LDLRAD4: variants seen among roughly 807,000 people sequenced by gnomAD.
LDLRAD4 encodes the protein low-density lipoprotein receptor class A domain-containing protein 4.
In LDLRAD4, 5 loss-of-function variants were observed where a neutral mutation model predicts 17.0. The observed-to-expected ratio is 0.29, with a 90% CI of 0.15 to 0.62. LDLRAD4 has a LOEUF of 0.62. LDLRAD4 is among the 20% of genes least tolerant of loss of function. The probability of loss-of-function intolerance (pLI) is 0.84; values close to 1 mark genes in which losing one functional copy is unlikely to be tolerated. For synonymous variants in LDLRAD4, 168 were observed against 171.8 expected (o/e 0.98, Z 0.17); for missense variants, 340 against 424.7 (o/e 0.80, Z 1.75).
At chr18:13,350,477 A>T (rs1409960838) in intron 1 of LDLRAD4, among the ~76,000 whole-genome samples, 1 of 151,794 alleles carries the variant, frequency 6.6e-6, no homozygotes, top group African/African-American at 2.4e-5. Flanking sequence ...TGATGGGGGT[A>T]TTTGTGTTTT....
rs927210398 is a variant in LDLRAD4 at position 13,403,733 on chromosome 18, G to C, written c.40+15971G>C. On this transcript the variant is annotated intron_variant, in intron 2 of 5. Coordinates refer to ENST00000359446, the Ensembl canonical transcript of LDLRAD4. The stretch of plus-strand genomic sequence containing the variant: ...CCTTGTAAAATCCTCGTGGGACTGC[G>C]TGTCTTTATAGGAGCCAGGGTGTAA... 3.9e-5 allele frequency among the ~76,000 whole-genome samples: 6 copies of C among 152,224 alleles called. No homozygotes were observed. In the South Asian group the frequency reaches 6.2e-4, roughly 16 times the overall value.
intron 1 of LDLRAD4, among the ~76,000 whole-genome samples, chr18:13,267,749 A>G (rs1298798429): frequency 1.3e-5 from 2 of 152,232 alleles, no homozygotes; most frequent in African/African-American, 4.8e-5. Context: ...AATCACGCAC[A>G]TGTAAGGATT....
intron 1 of LDLRAD4, among the ~76,000 whole-genome samples, chr18:13,318,267 CT>C (rs534002200): frequency 0.012 from 1,695 of 145,772 alleles, 15 homozygotes; most frequent in African/African-American, 0.027. Context: ...ATAGTGAAAT[CT>C]TTTTTTTTTT....
At chr18:13,544,132 G>A (rs1046153298) in intron 3 of LDLRAD4, among the ~76,000 whole-genome samples, 13 of 152,378 alleles carry the variant, frequency 8.5e-5, no homozygotes, top group Admixed American at 3.9e-4. Flanking sequence ...ATGAAGCCAC[G>A]CTGCTTTTCA....
At chr18:13,442,667 G>C (rs2091106839) in intron 3 of LDLRAD4, among the ~76,000 whole-genome samples, 3 of 152,228 alleles carry the variant, frequency 2.0e-5, no homozygotes, top group Admixed American at 1.3e-4. Context: ...CCACCTCATT[G>C]TTCCTGCCCA....
chr18:13,612,843 T>G lies in LDLRAD4; in HGVS notation c.182-8274T>G. On this transcript the variant is annotated intron_variant, in intron 3 of 5. Transcript: ENST00000359446. ...GGTTTGCTGTGGTTCTTCTTGGAGT[T>G]TGGTCTGAGGACAGAGCTGAGAAGA... The G allele has an allele frequency of 3.1e-6, 5 of 1,594,728 alleles. No homozygotes were observed. The South Asian group carries it at 5.6e-5, about 18-fold the overall frequency.
At chr18:13,303,925 C>T (rs2146613909) in intron 1 of LDLRAD4, among the ~76,000 whole-genome samples, 1 of 152,312 alleles carries the variant, frequency 6.6e-6, no homozygotes, top group Non-Finnish European at 1.5e-5. Flanking sequence ...GTACAAAGGC[C>T]CACGAGTCAT....
intron 2 of LDLRAD4, among the ~76,000 whole-genome samples, chr18:13,410,816 A>G (rs554715032): frequency 6.6e-6 from 1 of 152,322 alleles, no homozygotes; most frequent in African/African-American, 2.4e-5. Flanking sequence ...ATTTCAGTGG[A>G]TGGCTTTTTG....
At chr18:13,591,058 A>C (rs957261428) in intron 3 of LDLRAD4, among the ~76,000 whole-genome samples, 5 of 152,120 alleles carry the variant, frequency 3.3e-5, no homozygotes, top group African/African-American at 1.2e-4. Flanking sequence ...TTGATCAGGG[A>C]GTTTTGAGGC....
chr18:13,547,603 T>G (rs1349395635), intron 3 of LDLRAD4, among the ~76,000 whole-genome samples: 1 of 151,908 alleles, frequency 6.6e-6, no homozygotes, highest in East Asian at 1.9e-4. Context: ...GAGCGTGGAG[T>G]GTGGCCACTG....
intron 2 of LDLRAD4, among the ~76,000 whole-genome samples, chr18:13,436,895 A>G (rs1217450530): frequency 6.6e-6 from 1 of 152,084 alleles, no homozygotes; most frequent in Non-Finnish European, 1.5e-5. Flanking sequence ...CTTTTTCTAT[A>G]CTCTTTTAGG....
intron 3 of LDLRAD4, among the ~76,000 whole-genome samples, chr18:13,453,126 C>A (rs760021155): frequency 6.6e-6 from 1 of 152,172 alleles, no homozygotes; most frequent in Non-Finnish European, 1.5e-5. Context: ...GGACAGTCAT[C>A]GTTTTAAAAG....
At chr18:13,565,599 T>C (rs778238881) in intron 3 of LDLRAD4, among the ~76,000 whole-genome samples, 12 of 152,240 alleles carry the variant, frequency 7.9e-5, no homozygotes, top group Non-Finnish European at 1.8e-4. Flanking sequence ...CCAGCTGTAC[T>C]GAAATGCCCA....
chr18:13,363,327 G>A (rs1410446924), intron 1 of LDLRAD4, among the ~76,000 whole-genome samples: 12 of 61,708 alleles, frequency 1.9e-4, no homozygotes, highest in Non-Finnish European at 2.9e-4. Context: ...GCAAGACTCC[G>A]TCTCAAAAAA....
intron 1 of LDLRAD4, among the ~76,000 whole-genome samples, chr18:13,270,645 G>A (rs530017806): frequency 2.6e-5 from 4 of 152,280 alleles, no homozygotes; most frequent in African/African-American, 7.2e-5. Flanking sequence ...TGGCTAGAGC[G>A]GAATGCAGTT....
At chr18:13,251,736 TG>T (rs1195877642) in intron 1 of LDLRAD4, among the ~76,000 whole-genome samples, 1 of 152,144 alleles carries the variant, frequency 6.6e-6, no homozygotes, top group Admixed American at 6.5e-5. Context: ...GACAAACAAA[TG>T]GAAAGTACTT....
intron 1 of LDLRAD4, among the ~76,000 whole-genome samples, chr18:13,239,007 G>A (rs925491733): frequency 3.3e-5 from 5 of 151,992 alleles, no homozygotes; most frequent in African/African-American, 1.2e-4. Flanking sequence ...CCAACATGGT[G>A]AAACCCTGTC....
intron 1 of LDLRAD4, among the ~76,000 whole-genome samples, chr18:13,262,153 T>C (rs9748646): frequency 0.15 from 15,852 of 108,158 alleles, 142 homozygotes; most frequent in Admixed American, 0.23. Flanking sequence ...CCCGTGCGGC[T>C]CTGTGCGTGG....
intron 3 of LDLRAD4, among the ~76,000 whole-genome samples, chr18:13,606,930 A>C (rs1040865139): frequency 2.1e-4 from 32 of 152,364 alleles, no homozygotes; most frequent in African/African-American, 7.7e-4. Context: ...CAAGAGCCTC[A>C]TGGCAACATG....
Sources: allele counts gnomAD v4.1 joint callset (sites outside exome capture counted in the v4.1 genomes callset), GRCh38; gene constraint gnomAD v4.1.1; transcripts MANE v1.5; gene names NCBI Gene and HGNC (gene_info 2026-07-23, HGNC 2026-07-21).